Variants in PCDHGB1 observed in about 807,000 individuals in gnomAD.
The protein encoded by PCDHGB1 is protocadherin gamma subfamily B, 1.
In PCDHGB1, 34 loss-of-function variants were observed where a neutral mutation model predicts 56.6. The ratio of observed to expected loss-of-function variants is 0.60; its 90% CI spans 0.46 to 0.80. PCDHGB1 has a LOEUF of 0.80. Ranked by LOEUF, PCDHGB1 falls within the 30% of genes least tolerant of loss-of-function variation. The pLI is 0.00. For missense variants in PCDHGB1, 1,278 were observed against 1,204.6 expected, an observed-to-expected ratio of 1.06 and a Z score of -0.90; for synonymous variants, 561 against 505.9, an observed-to-expected ratio of 1.11 and a Z score of -1.46.
chr5:141,361,472 A>G (rs1480148367), intron 1 of PCDHGB1: 2 of 1,613,906 alleles, frequency 1.2e-6, no homozygotes, highest in Admixed American at 1.7e-5. Context: ...TCCGACGTCA[A>G]CGATAATGCC....
intron 1 of PCDHGB1, among the ~76,000 whole-genome samples, chr5:141,459,559 A>AC (rs920626314): frequency 6.6e-6 from 1 of 152,198 alleles, no homozygotes; most frequent in Non-Finnish European, 1.5e-5. Flanking sequence ...TTGGATAAAT[A>AC]CCCCAAAACA....
chr5:141,392,629 T>C, intron 1 of PCDHGB1: 1 of 598,736 alleles, frequency 1.7e-6, no homozygotes, highest in East Asian at 3.0e-5. Flanking sequence ...AACACTCAGA[T>C]CTCACACCTC....
intron 1 of PCDHGB1, among the ~76,000 whole-genome samples, chr5:141,453,288 ATTATTTATTTAT>A (rs577328880): frequency 6.6e-6 from 1 of 151,342 alleles, no homozygotes; most frequent in African/African-American, 2.4e-5. Context: ...TAATTTTTTA[ATTATTTATTTAT>A]TTATTTATTT....
At chr5:141,441,537 C>A in intron 1 of PCDHGB1, 1 of 173,250 alleles carries the variant, frequency 5.8e-6, no homozygotes, top group Non-Finnish European at 1.2e-5. Context: ...ACAATCTTCC[C>A]AAAGCCTCCA....
chr5:141,361,540 G>A, intron 1 of PCDHGB1: 1 of 1,614,018 alleles, frequency 6.2e-7, no homozygotes, highest in Admixed American at 1.7e-5. Context: ...TCCTCCTGGC[G>A]CCTCTATCGC....
chr5:141,384,622 A>G (rs1360248889), intron 1 of PCDHGB1: 1 of 1,614,218 alleles, frequency 6.2e-7, no homozygotes, highest in East Asian at 2.2e-5. Context: ...TTCTACTGGC[A>G]TGGAGCTGGC....
At chr5:141,483,640 G>T (rs1406049976) in intron 1 of PCDHGB1, among the ~76,000 whole-genome samples, 3 of 144,232 alleles carry the variant, frequency 2.1e-5, no homozygotes, top group Non-Finnish European at 4.5e-5. Flanking sequence ...GTATAGAGGG[G>T]TGTGTGTTTG....
intron 1 of PCDHGB1, chr5:141,399,730 T>G: frequency 2.5e-6 from 4 of 1,613,266 alleles, no homozygotes; most frequent in Non-Finnish European, 8.5e-7. Context: ...CGACCAGGGC[T>G]CGCCTGCGCT....
intron 1 of PCDHGB1, among the ~76,000 whole-genome samples, chr5:141,407,567 A>T (rs554405122): frequency 7.0e-4 from 107 of 152,170 alleles, no homozygotes; most frequent in African/African-American, 2.5e-3. Context: ...AAGCTGAAAG[A>T]TAAAATTCTT....
At chr5:141,420,770 T>G (rs1485978181) in intron 1 of PCDHGB1, among the ~76,000 whole-genome samples, 1 of 152,202 alleles carries the variant, frequency 6.6e-6, no homozygotes, top group Non-Finnish European at 1.5e-5. Flanking sequence ...AGTTTTCAGC[T>G]CCAGTAATAT....
At chr5:141,394,751 C>A in intron 1 of PCDHGB1, 3 of 1,613,428 alleles carry the variant, frequency 1.9e-6, no homozygotes, top group Non-Finnish European at 2.5e-6. Context: ...TGGTGGCCGT[C>A]CAGGACCATG....
rs2099699514 is a variant in PCDHGB1 at position 141,490,385 on chromosome 5, A to G, written c.2410-4422A>G. 1 of 1,614,190 alleles carries G rather than the reference A, an allele frequency of 6.2e-7. No individual in the cohort carries two copies. Among genetic ancestry groups the G allele is most frequent in the African/African-American group, 1.3e-5 (1 of 75,032 alleles). ...GTGCGAGACCGGGACTCAGGTAGAA[A>G]TGGTGAAGTGAGCCTTGATATCTCT... On this transcript the variant is annotated intron_variant, in intron 1 of 3. Coordinates refer to ENST00000523390, the MANE Select transcript of PCDHGB1 (RefSeq NM_018922.3). This position sits in a 1 kb window ranked among gnomAD's most constrained non-coding sequence, Gnocchi z 5.4.
intron 1 of PCDHGB1, among the ~76,000 whole-genome samples, chr5:141,492,418 C>T (rs1428695013): frequency 2.0e-5 from 3 of 152,236 alleles, no homozygotes; most frequent in Admixed American, 1.3e-4. Flanking sequence ...CCGCTCCCTC[C>T]GCCGGGCTCA....
At chr5:141,499,115 C>T (rs940275925) in intron 2 of PCDHGB1, among the ~76,000 whole-genome samples, 16 of 152,124 alleles carry the variant, frequency 1.1e-4, no homozygotes, top group African/African-American at 3.9e-4. Context: ...CACCACTATC[C>T]CTTCTCAGGT....
At chr5:141,457,881 G>T (rs2098931594) in intron 1 of PCDHGB1, among the ~76,000 whole-genome samples, 2 of 152,230 alleles carry the variant, frequency 1.3e-5, no homozygotes, top group African/African-American at 4.8e-5. Context: ...TAGGAACCCT[G>T]TGTGGGGACT....
chr5:141,433,564 G>A (rs1380905062), intron 1 of PCDHGB1, among the ~76,000 whole-genome samples: 1 of 152,042 alleles, frequency 6.6e-6, no homozygotes, highest in Non-Finnish European at 1.5e-5. Flanking sequence ...GGCTGGGCGC[G>A]GTGGCTCACG....
At chr5:141,393,820 C>T (rs2092851099) in intron 1 of PCDHGB1, 1 of 1,613,918 alleles carries the variant, frequency 6.2e-7, no homozygotes, top group Non-Finnish European at 8.5e-7. Context: ...TTGCTCATTT[C>T]GGTGGAAGAT....
At chr5:141,415,462 C>T in intron 1 of PCDHGB1, 1 of 1,614,220 alleles carries the variant, frequency 6.2e-7, no homozygotes. Context: ...CGAGGTCTCT[C>T]TCACCGCGGA....
chr5:141,410,380 C>T, intron 1 of PCDHGB1: 1 of 1,614,072 alleles, frequency 6.2e-7, no homozygotes, highest in Non-Finnish European at 8.5e-7. Flanking sequence ...CTTGGGACTG[C>T]TTCCATCCTG....
Sources: gnomAD v4.1 joint callset for allele counts (sites outside exome capture counted in the v4.1 genomes callset) on GRCh38, gnomAD v4.1.1 for gene constraint, Gnocchi (gnomAD v3.1) non-coding constraint, MANE v1.5 for transcripts, NCBI Gene and HGNC (gene_info 2026-07-23, HGNC 2026-07-21) for gene names.